The following IKZF3 variants were observed in gnomAD, a reference collection of about 807,000 sequenced individuals.
IKZF3 encodes IKAROS family zinc finger 3.
A neutral mutation model predicts 49.0 loss-of-function variants in IKZF3; 10 were observed. The observed-to-expected ratio is 0.20, with a 90% CI of 0.13 to 0.35. IKZF3 has a LOEUF of 0.35. Ranked by LOEUF, IKZF3 falls within the 10% of genes least tolerant of loss-of-function variation. The probability of loss-of-function intolerance (pLI) is 1.00; values close to 1 mark genes in which losing one functional copy is unlikely to be tolerated. For synonymous variants in IKZF3, 209 were observed against 228.2 expected (o/e 0.92, Z 0.76); for missense variants, 498 against 664.8 (o/e 0.75, Z 2.76).
chr17:39,838,266 T>C (rs1340383840), intron 1 of IKZF3, among the ~76,000 whole-genome samples: 1 of 152,190 alleles, frequency 6.6e-6, no homozygotes, highest in Non-Finnish European at 1.5e-5. Flanking sequence ...CTTTTCATAT[T>C]TTCCCACAGT....
At chr17:39,807,337 C>T (rs1178515427) in intron 3 of IKZF3, among the ~76,000 whole-genome samples, 1 of 151,192 alleles carries the variant, frequency 6.6e-6, no homozygotes, top group African/African-American at 2.4e-5. Flanking sequence ...AAAATGCAAA[C>T]AATTGAATGT....
At chr17:39,849,093 A>G (rs2062718616) in intron 1 of IKZF3, among the ~76,000 whole-genome samples, 1 of 152,174 alleles carries the variant, frequency 6.6e-6, no homozygotes, top group South Asian at 2.1e-4. Flanking sequence ...AGAAAAATAA[A>G]CAAGTTACAG....
At chr17:39,808,558 T>C (rs894043536) in intron 3 of IKZF3, among the ~76,000 whole-genome samples, 5 of 152,210 alleles carry the variant, frequency 3.3e-5, no homozygotes, top group African/African-American at 1.2e-4. Flanking sequence ...CTGTTAATAA[T>C]TTAGTGTGTT....
At chr17:39,801,438 T>G (rs2061314734) in intron 3 of IKZF3, among the ~76,000 whole-genome samples, 1 of 152,098 alleles carries the variant, frequency 6.6e-6, no homozygotes, top group African/African-American at 2.4e-5. Context: ...GTTTACCAGG[T>G]TTTGACAGCT....
intron 1 of IKZF3, among the ~76,000 whole-genome samples, chr17:39,863,715 C>T (rs1422354313): frequency 1.3e-5 from 2 of 152,146 alleles, no homozygotes; most frequent in Non-Finnish European, 2.9e-5. Context: ...ACCATTTACC[C>T]TTGGAAGAAA....
chr17:39,764,294 A>G lies in IKZF3; in HGVS notation c.*1496T>C, dbSNP rs2060241109. 6.6e-6 allele frequency: 1 copy of G among 152,032 alleles called. No individual in the cohort carries two copies. The highest frequency in any genetic ancestry group is 1.5e-5 in the Non-Finnish European group (1 of 68,034). 9.4% of individuals were successfully genotyped at this position (152,032 alleles called of 1,614,324 possible). A position where few individuals can be genotyped will look rare whatever the true frequency, so the allele number is the denominator to read the frequency against. On this transcript the variant is annotated 3_prime_UTR_variant, in exon 8 of 8. Transcript: ENST00000346872. ...GCATGGGCAACATAGTGAGACCCCTATCTCTACAAAAAGAACAAAATGTAG... is the reference window on the plus strand; with the variant it reads ...GCATGGGCAACATAGTGAGACCCCTGTCTCTACAAAAAGAACAAAATGTAG...
intron 3 of IKZF3, among the ~76,000 whole-genome samples, chr17:39,797,102 T>C (rs1598036237): frequency 6.7e-6 from 1 of 150,282 alleles, no homozygotes; most frequent in Admixed American, 6.6e-5. Context: ...GAAGTGGAGG[T>C]TGCAGTGAGC....
chr17:39,843,505 T>C (rs1377412444), intron 1 of IKZF3, among the ~76,000 whole-genome samples: 1 of 151,854 alleles, frequency 6.6e-6, no homozygotes, highest in Non-Finnish European at 1.5e-5. Context: ...TGTGGGAACA[T>C]CTTTTAGTCA....
In IKZF3 at chr17:39,765,231, G is replaced by C. The variant is rs2060261456; in HGVS notation, c.*559C>G. 1 of 152,414 alleles carries C rather than the reference G, an allele frequency of 6.6e-6. No homozygotes were observed. The highest frequency in any genetic ancestry group is 1.5e-5 in the Non-Finnish European group (1 of 68,108). The allele number at this position is 152,414 out of a possible 1,614,324, so 9.4% of individuals were successfully genotyped here. On this transcript the variant is annotated 3_prime_UTR_variant, in exon 8 of 8. Transcript: ENST00000346872. ...AAATGTTGTGATAGGAAATGGATCT[G>C]ATGCTTGGAGAATGGGGTCTTCAGT...
rs1303351331 is a variant in IKZF3, at chr17:39,762,333, A to AT, written c.*3456dup. 6.6e-6 allele frequency: 1 copy of AT among 152,238 alleles called. No individual in the cohort carries two copies. The highest frequency in any genetic ancestry group is 2.4e-5 in the African/African-American group (1 of 41,454). 9.4% of individuals were successfully genotyped at this position (152,238 alleles called of 1,614,324 possible). On this transcript the variant is annotated 3_prime_UTR_variant, in exon 8 of 8. Transcript: ENST00000346872. ...TTATCTGTGTGATGGTAACCACTGC[A>AT]TATCTGGTTCAACTTCAAGACTTAA...
At chr17:39,836,860 T>C (rs1381660115) in intron 1 of IKZF3, among the ~76,000 whole-genome samples, 1 of 152,252 alleles carries the variant, frequency 6.6e-6, no homozygotes, top group Non-Finnish European at 1.5e-5. Flanking sequence ...CTTTGAATAG[T>C]CATATTGTAT....
At chr17:39,842,109 A>C (rs374430402) in intron 1 of IKZF3, among the ~76,000 whole-genome samples, 2 of 151,620 alleles carry the variant, frequency 1.3e-5, no homozygotes, top group Non-Finnish European at 2.9e-5. Flanking sequence ...ACATAAATAC[A>C]GTCCCTTTCC....
chr17:39,817,798 A>G (rs908941751), intron 3 of IKZF3, among the ~76,000 whole-genome samples: 1 of 152,206 alleles, frequency 6.6e-6, no homozygotes, highest in African/African-American at 2.4e-5. Flanking sequence ...TTCCAAACAT[A>G]TATGACCCAG....
chr17:39,816,881 T>C (rs1413648234), intron 3 of IKZF3, among the ~76,000 whole-genome samples: 1 of 152,094 alleles, frequency 6.6e-6, no homozygotes, highest in Non-Finnish European at 1.5e-5. Context: ...GCCCAGCTAA[T>C]TTTTGTATTT....
intron 3 of IKZF3, among the ~76,000 whole-genome samples, chr17:39,793,222 CATG>C (rs1293826451): frequency 6.6e-6 from 1 of 152,106 alleles, no homozygotes; most frequent in East Asian, 1.9e-4. Context: ...TCAAAGTGGC[CATG>C]AAACAAACAT....
Position 39,765,709 on chromosome 17 carries a change from T to C in IKZF3, c.*81A>G. ...AAAGAAGTTTGGAACTGAGTATGTT[T>C]TGAGAGCAATCTGTTAGGCGAGGTC... On this transcript the variant is annotated 3_prime_UTR_variant, in exon 8 of 8. Transcript: ENST00000346872. The C allele has an allele frequency of 1.8e-6, 2 of 1,093,392 alleles. No individual in the cohort carries two copies. Among genetic ancestry groups the C allele is most frequent in the South Asian group, 3.0e-5 (2 of 66,220 alleles). 67.7% of individuals were successfully genotyped at this position (1,093,392 alleles called of 1,614,324 possible).
chr17:39,802,221 CAAAAAAAAAAAAAA>C (rs56029512), intron 3 of IKZF3, among the ~76,000 whole-genome samples: 2 of 54,408 alleles, frequency 3.7e-5, no homozygotes, highest in Admixed American at 3.3e-4. Flanking sequence ...GACTCCATCT[CAAAAAAAAAAAAAA>C]AAAAAAAAAA....
rs534887886 is a variant in IKZF3, at chr17:39,842,092, T to C, written c.8-9941A>G. ...AAATATAGATGTAAATGTGTGTATA[T>C]GGGTATACATAAATACAGTCCCTTT... On this transcript the variant is annotated intron_variant, in intron 1 of 7. Coordinates refer to ENST00000346872, the MANE Select transcript of IKZF3 (RefSeq NM_012481.5). Among the ~76,000 whole-genome samples, 114 of 144,818 alleles carry C rather than the reference T, an allele frequency of 7.9e-4. 3 individuals are homozygous for C. Among genetic ancestry groups the C allele is most frequent in the African/African-American group, 2.8e-4 (11 of 38,924 alleles).
intron 6 of IKZF3, chr17:39,778,148 T>G (rs911451366): frequency 1.0e-6 from 1 of 991,650 alleles, no homozygotes; most frequent in African/African-American, 1.7e-5. Flanking sequence ...CAGACTGATA[T>G]AATTCTTAAC....
Sources: allele counts gnomAD v4.1 joint callset (sites outside exome capture counted in the v4.1 genomes callset), GRCh38; gene constraint gnomAD v4.1.1; transcripts MANE v1.5; gene names NCBI Gene and HGNC (gene_info 2026-07-23, HGNC 2026-07-21).